Variants in SERPINB12 observed in about 807,000 individuals in gnomAD.
The protein encoded by SERPINB12 is serpin family B member 12.
SERPINB12 carries 57 observed loss-of-function variants against 41.1 expected under a neutral mutation model. The ratio of observed to expected loss-of-function variants is 1.39; its 90% confidence interval spans 1.12 to 1.73. The LOEUF is 1.73. Among genes scored for constraint, SERPINB12 ranks in the 40% most tolerant of loss-of-function variants. The probability of loss-of-function intolerance (pLI) is 0.00; values close to 1 mark genes in which losing one functional copy is unlikely to be tolerated. For missense variants in SERPINB12, 536 were observed against 501.9 expected (o/e 1.07, Z -0.65); for synonymous variants, 180 against 181.3 (o/e 0.99, Z 0.06).
intron 6 of SERPINB12, among the ~76,000 whole-genome samples, chr18:63,565,234 C>CA (rs1478506928): frequency 6.6e-6 from 1 of 151,948 alleles, no homozygotes; most frequent in Non-Finnish European, 1.5e-5. Flanking sequence ...CACTCCACAA[C>CA]AAAAAAAGAC....
the SERPINB12 span, among the ~76,000 whole-genome samples, chr18:63,526,439 T>C: frequency 6.6e-6 from 1 of 152,196 alleles, no homozygotes; most frequent in Non-Finnish European, 1.5e-5. Context: ...TCCTGAGTAG[T>C]TGGGATTACA....
At position 63,566,748 on chromosome 18, in the gene SERPINB12, A is replaced by T. The variant is rs1396601212; in HGVS notation, c.1015A>T (p.Ile339Phe). 3 of 1,614,162 alleles carry T rather than the reference A, an allele frequency of 1.9e-6. No homozygotes were observed. The highest frequency in any genetic ancestry group is 2.5e-6 in the Non-Finnish European group (3 of 1,180,008). Residue 339 changes from isoleucine to phenylalanine, a missense_variant, in exon 8 of 8, where the codon ATT (isoleucine) becomes TTT (phenylalanine). Coordinates refer to ENST00000382768, the MANE Select transcript of SERPINB12 (RefSeq NM_001307928.2). The stretch of plus-strand genomic sequence containing the variant: ...CAATTCCATTTTACAAGACATGGGC[A>T]TTACGGATATCTTTGATGAAACGAG... ...DLNSILQDMG[I>F]TDIFDETRAD...
chr18:63,521,958 C>G, the SERPINB12 span, among the ~76,000 whole-genome samples: 1 of 152,066 alleles, frequency 6.6e-6, no homozygotes, highest in Non-Finnish European at 1.5e-5. Flanking sequence ...AGGTAGATAA[C>G]CAGAACTCAA....
the SERPINB12 span, among the ~76,000 whole-genome samples, chr18:63,529,692 T>A: frequency 1.3e-5 from 2 of 152,140 alleles, no homozygotes; most frequent in African/African-American, 4.8e-5. Flanking sequence ...TGTATGTGTG[T>A]GTGTGTGTGT....
At chr18:63,541,797 TTTTG>T (rs1910278086), upstream of SERPINB12, among the ~76,000 whole-genome samples, 1 of 152,060 alleles carries the variant, frequency 6.6e-6, no homozygotes, top group African/African-American at 2.4e-5. Context: ...GAGAGACACC[TTTTG>T]TTTATTTGCT....
chr18:63,561,331 T>TG (rs1296297152), intron 5 of SERPINB12, 129 bp downstream of exon 5: 1 of 620,942 alleles, frequency 1.6e-6, no homozygotes, highest in African/African-American at 1.9e-5. Context: ...GTTCAAAGCA[T>TG]GGTTTGCAGA....
intron 5 of SERPINB12, among the ~76,000 whole-genome samples, chr18:63,562,994 G>A (rs1910964472): frequency 6.6e-6 from 1 of 152,164 alleles, no homozygotes; most frequent in Non-Finnish European, 1.5e-5. Flanking sequence ...ATTGTGGAAG[G>A]AGCCCCAGAG....
At chr18:63,564,786 G>A (rs895858268) in intron 6 of SERPINB12, among the ~76,000 whole-genome samples, 4 of 152,214 alleles carry the variant, frequency 2.6e-5, no homozygotes, top group Non-Finnish European at 5.9e-5. Context: ...AGGCTGGGCT[G>A]GGATAGGCCC....
rs200763998 is a variant in SERPINB12, at chr18:63,556,325, G to T, written c.166G>T (p.Glu56Ter). The T allele has an allele frequency of 1.9e-6, 3 of 1,613,688 alleles. No homozygotes were observed. In the African/African-American group the frequency reaches 4.0e-5, roughly 22 times the overall value. The change falls in exon 2 of 8, where the codon GAG (glutamate) becomes TAG (stop). Residue 56 changes from glutamate to a stop codon, truncating the protein, a stop_gained and splice_region_variant. Coordinates refer to ENST00000382768, the MANE Select transcript of SERPINB12 (RefSeq NM_001307928.2). LOFTEE classifies it high-confidence loss of function. ...AAGTGACAGTGCACATCAGATTGAT[G>T]AGGTACGTGTCCACTAGGGTGCTAC... ...ARSDSAHQID[E>*]VLHFNEFSQN...
chr18:63,558,624 T>A, intron 3 of SERPINB12, 138 bp downstream of exon 3: 1 of 962,770 alleles, frequency 1.0e-6, no homozygotes. Context: ...TCATGTGATC[T>A]GTGATTCCTG....
the SERPINB12 span, among the ~76,000 whole-genome samples, chr18:63,537,059 G>A: frequency 2.1e-3 from 318 of 152,184 alleles, no homozygotes; most frequent in Non-Finnish European, 3.6e-3. Context: ...ATACTCTTTG[G>A]AAGTGGAACA....
At chr18:63,562,207 C>T (rs1451537756) in intron 5 of SERPINB12, among the ~76,000 whole-genome samples, 1 of 152,054 alleles carries the variant, frequency 6.6e-6, no homozygotes, top group Admixed American at 6.5e-5. Context: ...TCTACCGGTG[C>T]CCGTGTGAAT....
intron 5 of SERPINB12, among the ~76,000 whole-genome samples, chr18:63,562,576 G>A (rs1304484851): frequency 6.6e-6 from 1 of 152,152 alleles, no homozygotes; most frequent in Non-Finnish European, 1.5e-5. Context: ...CTGACTTAGG[G>A]ATGGGATACC....
the SERPINB12 span, among the ~76,000 whole-genome samples, chr18:63,531,341 A>C: frequency 6.6e-6 from 1 of 152,206 alleles, no homozygotes; most frequent in African/African-American, 2.4e-5. Context: ...AGAAACGTCA[A>C]AGACCTGGGC....
chr18:63,522,137 G>A, the SERPINB12 span, among the ~76,000 whole-genome samples: 2 of 152,124 alleles, frequency 1.3e-5, no homozygotes, highest in African/African-American at 4.8e-5. Context: ...CATTTACATA[G>A]TGTGACAAGA....
At chr18:63,527,410 G>T in the SERPINB12 span, among the ~76,000 whole-genome samples, 1 of 152,022 alleles carries the variant, frequency 6.6e-6, no homozygotes, top group East Asian at 1.9e-4. Flanking sequence ...ATTACTCTAA[G>T]TGATTATTAG....
At chr18:63,520,536 C>T in the SERPINB12 span, among the ~76,000 whole-genome samples, 38 of 152,136 alleles carry the variant, frequency 2.5e-4, no homozygotes, top group Non-Finnish European at 5.3e-4. Context: ...CAACAGGTGT[C>T]CTTGCAAGGG....
At position 63,568,227 on chromosome 18, in the gene SERPINB12, A is replaced by C. The variant is rs979020452; in HGVS notation, c.*1216A>C. 6.6e-6 allele frequency among the ~76,000 whole-genome samples: 1 copy of C among 152,140 alleles called. No homozygotes were observed. Among genetic ancestry groups the C allele is most frequent in the African/African-American group, 2.4e-5 (1 of 41,430 alleles). ...GAGACCCTGACTCTACAAAAAATACAGAAATTAGCCGGGCGTGGTGGTGTG... is the reference window on the plus strand; with the variant it reads ...GAGACCCTGACTCTACAAAAAATACCGAAATTAGCCGGGCGTGGTGGTGTG... On this transcript the variant is annotated 3_prime_UTR_variant, in exon 8 of 8. Transcript: ENST00000382768.
At chr18:63,520,008 C>T in the SERPINB12 span, among the ~76,000 whole-genome samples, 1 of 152,174 alleles carries the variant, frequency 6.6e-6, no homozygotes, top group African/African-American at 2.4e-5. Flanking sequence ...ATCTCTAGAA[C>T]AGGTACCCCA....
Sources: allele counts gnomAD v4.1 joint callset (sites outside exome capture counted in the v4.1 genomes callset), GRCh38; gene constraint gnomAD v4.1.1; transcripts MANE v1.5; gene names NCBI Gene and HGNC (gene_info 2026-07-23, HGNC 2026-07-21).